Variants in ZKSCAN7 observed in about 807,000 individuals in gnomAD.
ZKSCAN7 encodes the protein zinc finger with KRAB and SCAN domains 7.
ZKSCAN7 carries 38 observed loss-of-function variants against 65.3 expected under a neutral mutation model. The ratio of observed to expected loss-of-function variants is 0.58; its 90% CI spans 0.45 to 0.76. The LOEUF is 0.76. Among genes scored for constraint, ZKSCAN7 ranks in the 30% least tolerant of loss-of-function variants. ZKSCAN7 has a pLI of 0.00. For missense variants in ZKSCAN7, 815 were observed against 913.3 expected (o/e 0.89, Z 1.39); for synonymous variants, 321 against 321.0 (o/e 1.00, Z 0.00).
chr3:44,561,678 A>C (rs1472050056), intron 2 of ZKSCAN7, among the ~76,000 whole-genome samples: 1 of 152,234 alleles, frequency 6.6e-6, no homozygotes, highest in African/African-American at 2.4e-5. Context: ...CAAATGGGAG[A>C]AATTGGCCAA....
intron 2 of ZKSCAN7, among the ~76,000 whole-genome samples, chr3:44,560,357 G>T (rs147502883): frequency 2.0e-5 from 3 of 152,246 alleles, no homozygotes; most frequent in Non-Finnish European, 4.4e-5. Context: ...AGGTAAATTG[G>T]AGTCATTTTG....
Position 44,565,670 on chromosome 3 carries a change from A to C in ZKSCAN7, c.592+15A>C. 6.4e-7 allele frequency: 1 copy of C among 1,572,174 alleles called. No homozygotes were observed. The highest frequency in any genetic ancestry group is 1.4e-5 in the African/African-American group (1 of 73,246). Reference sequence around the variant, plus strand: ...TGGGGACTTCGGTACTTATCTCCCCAGCTTTGGCCTTAAGTCATGCCTCCC... The same window carrying C: ...TGGGGACTTCGGTACTTATCTCCCCCGCTTTGGCCTTAAGTCATGCCTCCC... On this transcript the variant is annotated intron_variant, in intron 3 of 5. Coordinates refer to ENST00000426540, the MANE Select transcript of ZKSCAN7 (RefSeq NM_001288590.2).
intron 5 of ZKSCAN7, chr3:44,580,919 G>C (rs560937044): frequency 1.2e-6 from 2 of 1,613,100 alleles, no homozygotes; most frequent in African/African-American, 1.3e-5. Context: ...TCAGGTCCTC[G>C]TCGTTGAGGA....
In ZKSCAN7 at chr3:44,565,663, T is replaced by C. The variant is rs752554421; in HGVS notation, c.592+8T>C. 4 of 1,583,490 alleles carry C rather than the reference T, an allele frequency of 2.5e-6. No individual in the cohort carries two copies. The highest frequency in any genetic ancestry group is 2.3e-5 in the East Asian group (1 of 43,750). Reference sequence around the variant, plus strand: ...TCCCCAGTGGGGACTTCGGTACTTATCTCCCCAGCTTTGGCCTTAAGTCAT... The same window carrying C: ...TCCCCAGTGGGGACTTCGGTACTTACCTCCCCAGCTTTGGCCTTAAGTCAT... On this transcript the variant is annotated splice_region_variant and intron_variant, in intron 3 of 5. Coordinates refer to ENST00000426540, the MANE Select transcript of ZKSCAN7 (RefSeq NM_001288590.2).
Position 44,570,318 on chromosome 3 carries a change from G to T in ZKSCAN7, c.1208G>T (p.Arg403Ile), listed in dbSNP as rs772460038. 1.9e-6 allele frequency: 3 copies of T among 1,614,188 alleles called. No homozygotes were observed. In the South Asian group the frequency reaches 3.3e-5, roughly 18 times the overall value. The change falls in exon 6 of 6, where the codon AGA becomes ATA. Residue 403 changes from arginine to isoleucine, a missense_variant. By Grantham distance (97) the Arg-to-Ile change is moderately conservative. This residue lies in a region of ZKSCAN7 where 578 missense variants were observed against 629.5 expected (regional missense o/e 0.92). Coordinates refer to ENST00000426540, the MANE Select transcript of ZKSCAN7 (RefSeq NM_001288590.2). ...AGTTCTCACCTTATTGGCCATCAGA[G>T]AATCCACACTGGAGAGAAACCCTAT... ...NRSSHLIGHQ[R>I]IHTGEKPYEC... is the part of the protein sequence containing the mutation.
chr3:44,568,346 C>A lies in ZKSCAN7; in HGVS notation c.724C>A (p.Gln242Lys). 6.2e-7 allele frequency: 1 copy of A among 1,614,028 alleles called. No homozygotes were observed. Among genetic ancestry groups the A allele is most frequent in the Non-Finnish European group, 8.5e-7 (1 of 1,180,002 alleles). ...TGAGGACCTATCTGTAGACTACACTCAGAAGAAATGGAAAAGTCTCACACT... is the reference window on the plus strand; with the variant it reads ...TGAGGACCTATCTGTAGACTACACTAAGAAGAAATGGAAAAGTCTCACACT... ...AYEDLSVDYTQKKWKSLTLSQ... is the reference protein window; with the variant it reads ...AYEDLSVDYTKKKWKSLTLSQ... The change falls in exon 5 of 6, where the codon CAG (glutamine) becomes AAG (lysine). Residue 242 changes from glutamine to lysine, a missense_variant. This residue lies in a region of ZKSCAN7 where 578 missense variants were observed against 629.5 expected (regional missense o/e 0.92). Coordinates refer to ENST00000426540, the MANE Select transcript of ZKSCAN7 (RefSeq NM_001288590.2).
intron 5 of ZKSCAN7, among the ~76,000 whole-genome samples, chr3:44,578,935 C>T (rs921897175): frequency 4.6e-5 from 7 of 152,224 alleles, no homozygotes; most frequent in Non-Finnish European, 1.0e-4. Flanking sequence ...GCTGGTCCTG[C>T]AGGAGCCGGT....
chr3:44,572,244 T>A, downstream of ZKSCAN7: 1 of 984,526 alleles, frequency 1.0e-6, no homozygotes. Flanking sequence ...TGGAAGTCCA[T>A]CTCATCATAG....
In ZKSCAN7 at chr3:44,571,662, A is replaced by G; in HGVS notation, c.*287A>G. 8.0e-7 allele frequency: 1 copy of G among 1,249,752 alleles called. No individual in the cohort carries two copies. Among genetic ancestry groups the G allele is most frequent in the Non-Finnish European group, 1.0e-6 (1 of 992,514 alleles). 77.4% of individuals were successfully genotyped at this position (1,249,752 alleles called of 1,614,324 possible). The stretch of plus-strand genomic sequence containing the variant: ...TTCATTTCTTAGTTATGCATCTCAT[A>G]ATCAGACTCCATGCTTTTTAAAGAC... On this transcript the variant is annotated 3_prime_UTR_variant, in exon 6 of 6. Coordinates refer to ENST00000426540, the MANE Select transcript of ZKSCAN7 (RefSeq NM_001288590.2).
rs777496747 is a variant in ZKSCAN7 at position 44,571,056 on chromosome 3, A to G, written c.1946A>G (p.His649Arg). The part of the protein sequence containing the change: ...ECGKSFNQNS[H>R]LIIHQRIHTG... The stretch of plus-strand genomic sequence containing the variant: ...GGAAAATCCTTCAATCAAAACTCAC[A>G]CCTTATTATACACCAGAGAATTCAC... The change falls in exon 6 of 6, where the codon CAC becomes CGC. Residue 649 changes from histidine to arginine, a missense_variant. By Grantham distance (29) the His-to-Arg change is conservative. Around this residue, in one of 3 missense-constraint regions of ZKSCAN7, gnomAD observed 578 missense variants for 629.5 expected, o/e 0.92. Transcript: ENST00000426540. 6.2e-7 allele frequency: 1 copy of G among 1,614,150 alleles called. No individual in the cohort carries two copies.
intron 5 of ZKSCAN7, among the ~76,000 whole-genome samples, chr3:44,581,518 G>C (rs1700087052): frequency 6.6e-6 from 1 of 152,196 alleles, no homozygotes; most frequent in African/African-American, 2.4e-5. Context: ...CATTCATCAT[G>C]AGCTTCCATA....
chr3:44,564,899 C>G (rs1481577702), intron 2 of ZKSCAN7, among the ~76,000 whole-genome samples: 1 of 152,146 alleles, frequency 6.6e-6, no homozygotes, highest in Non-Finnish European at 1.5e-5. Context: ...CTCCCAGGAT[C>G]AAGTGATTCT....
chr3:44,572,618 G>C (rs1388930618), downstream of ZKSCAN7, among the ~76,000 whole-genome samples: 1 of 151,974 alleles, frequency 6.6e-6, no homozygotes, highest in African/African-American at 2.4e-5. Flanking sequence ...GGGAGGCTGA[G>C]GCAGGCGGAT....
intron 5 of ZKSCAN7, among the ~76,000 whole-genome samples, chr3:44,581,505 A>T (rs1427902578): frequency 2.0e-5 from 3 of 152,240 alleles, no homozygotes; most frequent in Non-Finnish European, 2.9e-5. Flanking sequence ...GAGGTCAAGG[A>T]ATCATTCATC....
chr3:44,565,475 C>T lies in ZKSCAN7; in HGVS notation c.424-12C>T, dbSNP rs1348755508. The stretch of plus-strand genomic sequence containing the variant: ...TGCTCTTTTGAACCCAATTGTATTT[C>T]CCTCTCTCTAGGTTTCAGCCCCAGC... On this transcript the variant is annotated splice_polypyrimidine_tract_variant and intron_variant, in intron 2 of 5. Transcript: ENST00000426540. 1.7e-5 allele frequency: 27 copies of T among 1,592,452 alleles called. No individual in the cohort carries two copies. Among genetic ancestry groups the T allele is most frequent in the Non-Finnish European group, 2.3e-5 (27 of 1,169,680 alleles).
Position 44,580,550 on chromosome 3 carries a change from TTTC to T in ZKSCAN7, c.812-2414_812-2412del, listed in dbSNP as rs1700048702. 9.3e-6 allele frequency: 15 copies of T among 1,613,862 alleles called. No homozygotes were observed. The South Asian group carries it at 1.1e-4, about 12-fold the overall frequency. On this transcript the variant is annotated intron_variant, in intron 5 of 5. Transcript: ENST00000341840. ...GCGGTGTGGGGGGCTCCACTTTCCATTTCTTCTTCTGATTCTGCTTGTTGGTCC... is the reference window on the plus strand; with the variant it reads ...GCGGTGTGGGGGGCTCCACTTTCCATTTCTTCTGATTCTGCTTGTTGGTCC...
chr3:44,566,642 A>T (rs1559426447), intron 3 of ZKSCAN7, among the ~76,000 whole-genome samples: 4 of 151,872 alleles, frequency 2.6e-5, no homozygotes, highest in South Asian at 2.1e-4. Context: ...TTATTTATTT[A>T]TTTTTTTTAA....
intron 2 of ZKSCAN7, among the ~76,000 whole-genome samples, chr3:44,561,039 A>G (rs926285685): frequency 1.3e-5 from 2 of 152,204 alleles, no homozygotes; most frequent in African/African-American, 2.4e-5. Context: ...GTGGAATGCC[A>G]TATTAGAATG....
chr3:44,557,900 A>G (rs1699348275), intron 2 of ZKSCAN7, among the ~76,000 whole-genome samples: 1 of 152,122 alleles, frequency 6.6e-6, no homozygotes, highest in Admixed American at 6.5e-5. Context: ...GAAAGGTGAC[A>G]TTTTTGGGCC....
Sources: gnomAD v4.1 joint callset for allele counts (sites outside exome capture counted in the v4.1 genomes callset) on GRCh38, gnomAD v4.1.1 for gene constraint, gnomAD v4.1.1 regional missense constraint, MANE v1.5 for transcripts, NCBI Gene and HGNC (gene_info 2026-07-23, HGNC 2026-07-21) for gene names.